The following CPLANE1 variants were observed in gnomAD, a reference collection of about 807,000 sequenced individuals.
CPLANE1 encodes ciliogenesis and planar polarity effector 1.
A neutral mutation model predicts 362.5 loss-of-function variants in CPLANE1; 263 were observed. The observed-to-expected ratio is 0.73, with a 90% CI of 0.66 to 0.80. The LOEUF (loss-of-function observed/expected upper bound fraction) is 0.80, where lower values mean the gene tolerates loss of function less well. Among genes scored for constraint, CPLANE1 ranks in the 30% least tolerant of loss-of-function variants. The pLI is 0.00. For synonymous variants in CPLANE1, 1,212 were observed against 1,302.6 expected, an observed-to-expected ratio of 0.93 and a Z score of 1.50; for missense variants, 3,461 against 3,793.4, an observed-to-expected ratio of 0.91 and a Z score of 2.30.
chr5:37,156,472 G>A (rs1021981121), intron 41 of CPLANE1, among the ~76,000 whole-genome samples: 2 of 151,990 alleles, frequency 1.3e-5, no homozygotes, highest in Non-Finnish European at 2.9e-5. Context: ...AGGCATGGTG[G>A]TGTGTGCTTG....
chr5:37,096,045 A>G, the CPLANE1 span, among the ~76,000 whole-genome samples: 1 of 152,236 alleles, frequency 6.6e-6, no homozygotes, highest in South Asian at 2.1e-4. Flanking sequence ...TCAAAATACC[A>G]CAATCATTCT....
rs1290864107 is a variant in CPLANE1, at chr5:37,224,610, G to A, written c.2422C>T (p.Leu808=). Residue 808 remains leucine, a synonymous_variant, in exon 13 of 53, where the codon CTG becomes TTG. Transcript: ENST00000651892. ...MTHEASTVKS[L]LCHLQANLQS... The stretch of plus-strand genomic sequence containing the variant: ...AGGTTAGCCTGCAAATGACATAACA[G>A]GGACTTGACAGTAGATGCTTCATGT... 7 of 1,551,278 alleles carry A rather than the reference G, an allele frequency of 4.5e-6. No individual in the cohort carries two copies. Among genetic ancestry groups the A allele is most frequent in the Non-Finnish European group, 6.1e-6 (7 of 1,146,786 alleles).
intron 8 of CPLANE1, among the ~76,000 whole-genome samples, chr5:37,235,725 A>G (rs946989662): frequency 6.6e-6 from 1 of 151,858 alleles, no homozygotes; most frequent in Non-Finnish European, 1.5e-5. Context: ...GGGGCACACC[A>G]TCACACCAGC....
intron 6 of CPLANE1, among the ~76,000 whole-genome samples, chr5:37,240,978 A>G (rs1800278454): frequency 6.6e-6 from 1 of 151,980 alleles, no homozygotes; most frequent in Admixed American, 6.6e-5. Context: ...TCTACTAAAA[A>G]TACAAAAATT....
chr5:37,123,824 C>A (rs957246931), intron 47 of CPLANE1, among the ~76,000 whole-genome samples: 2 of 152,114 alleles, frequency 1.3e-5, no homozygotes, highest in Admixed American at 1.3e-4. Flanking sequence ...CTATTCCTAG[C>A]CAATTTATTC....
At chr5:37,108,775 G>A (rs1758282946) in intron 51 of CPLANE1, among the ~76,000 whole-genome samples, 1 of 152,216 alleles carries the variant, frequency 6.6e-6, no homozygotes, top group African/African-American at 2.4e-5. Flanking sequence ...TGACACCAAA[G>A]TTGGGTGAAC....
In CPLANE1 at chr5:37,172,979, G is replaced by A. The variant is rs541432758; in HGVS notation, c.6171+776C>T. Among the ~76,000 whole-genome samples, 23 of 152,034 alleles carry A rather than the reference G, an allele frequency of 1.5e-4. No individual in the cohort carries two copies. In the South Asian group the frequency reaches 1.7e-3, roughly 11 times the overall value. On this transcript the variant is annotated intron_variant, in intron 32 of 52. Coordinates refer to ENST00000651892, the MANE Select transcript of CPLANE1 (RefSeq NM_001384732.1). ...AGCCTGGGCAACAGAGTGAGACTCC[G>A]TCTCAAAAAATAAAAATATAAAAAA...
chr5:37,214,857 G>T (rs985239431), intron 15 of CPLANE1, among the ~76,000 whole-genome samples: 1 of 152,110 alleles, frequency 6.6e-6, no homozygotes, highest in Non-Finnish European at 1.5e-5. Context: ...CAGAGATCCT[G>T]GAAGTGTTCT....
rs374442251 is a variant in CPLANE1 at position 37,206,169 on chromosome 5, T to C, written c.3149+28A>G. 4.7e-5 allele frequency: 64 copies of C among 1,350,500 alleles called. No individual in the cohort carries two copies. The East Asian group carries it at 1.0e-3, about 22-fold the overall frequency. The allele number at this position is 1,350,500 out of a possible 1,614,324, so 83.7% of individuals were successfully genotyped here. The stretch of plus-strand genomic sequence containing the variant: ...TAAAATACATAGTTCAATCATACTA[T>C]ATCTTAAAATTGCCTAAAAATCCAT... On this transcript the variant is annotated intron_variant, in intron 17 of 52. Transcript: ENST00000651892.
At chr5:37,158,395 A>C in intron 38 of CPLANE1, 50 bp from the exon 39 acceptor site, 1 of 1,541,758 alleles carries the variant, frequency 6.5e-7, no homozygotes, top group Non-Finnish European at 8.8e-7. Flanking sequence ...AAGGCTGTAA[A>C]CTGCTCCAAA....
At position 37,109,564 on chromosome 5, in the gene CPLANE1, A is replaced by G. The variant is rs546131653; in HGVS notation, c.9401-1093T>C. On this transcript the variant is annotated intron_variant, in intron 51 of 52. Transcript: ENST00000651892. The stretch of plus-strand genomic sequence containing the variant: ...CTTAAAATCCTTGCTTGGATGTGCA[A>G]TAAACATCTGAACTTTAACATGTCC... Among the ~76,000 whole-genome samples the G allele has an allele frequency of 5.3e-5, 8 of 152,354 alleles. No individual in the cohort carries two copies. In the East Asian group the frequency reaches 1.4e-3, roughly 26 times the overall value.
chr5:37,132,868 T>A (rs1194976478), intron 46 of CPLANE1, among the ~76,000 whole-genome samples: 2 of 152,218 alleles, frequency 1.3e-5, no homozygotes, highest in Non-Finnish European at 2.9e-5. Context: ...TCCAGAATGG[T>A]ATTTCCTAAG....
chr5:37,151,758 C>G (rs1773620548), intron 42 of CPLANE1, among the ~76,000 whole-genome samples: 1 of 151,938 alleles, frequency 6.6e-6, no homozygotes, highest in African/African-American at 2.4e-5. Context: ...TTTAAAAAAA[C>G]AGAAAGCAGG....
intron 47 of CPLANE1, among the ~76,000 whole-genome samples, chr5:37,122,868 A>T (rs1460303689): frequency 1.3e-5 from 2 of 152,174 alleles, no homozygotes; most frequent in African/African-American, 2.4e-5. Context: ...GCAACAGAGC[A>T]AGGCTCCGTT....
At chr5:37,217,967 G>A (rs976466092) in intron 15 of CPLANE1, among the ~76,000 whole-genome samples, 7 of 151,762 alleles carry the variant, frequency 4.6e-5, no homozygotes, top group African/African-American at 9.7e-5. Context: ...TGACAAGAGC[G>A]AGACTCCATC....
chr5:37,218,346 C>T (rs1794611264), intron 15 of CPLANE1, among the ~76,000 whole-genome samples: 2 of 152,112 alleles, frequency 1.3e-5, no homozygotes, highest in Admixed American at 1.3e-4. Flanking sequence ...AATGAACTTC[C>T]CTGGTAGACT....
intron 31 of CPLANE1, 131 bp from the exon 32 acceptor site, chr5:37,174,078 AATT>A: frequency 1.3e-6 from 1 of 784,724 alleles, no homozygotes; most frequent in Non-Finnish European, 2.0e-6. Flanking sequence ...GTTTTCTAGA[AATT>A]TAAACCCTAA....
At chr5:37,207,522 A>G (rs538480604) in intron 16 of CPLANE1, among the ~76,000 whole-genome samples, 1 of 152,350 alleles carries the variant, frequency 6.6e-6, no homozygotes, top group East Asian at 1.9e-4. Flanking sequence ...AAAGTTCACG[A>G]CCTTTTAAAA....
At chr5:37,085,419 T>C in the CPLANE1 span, 1 of 1,045,120 alleles carries the variant, frequency 9.6e-7, no homozygotes, top group East Asian at 2.4e-5. Flanking sequence ...TAAGTACAAA[T>C]TGGGTAAAGT....
Sources: gnomAD v4.1 joint callset for allele counts (sites outside exome capture counted in the v4.1 genomes callset) on GRCh38, gnomAD v4.1.1 for gene constraint, MANE v1.5 for transcripts, NCBI Gene and HGNC (gene_info 2026-07-23, HGNC 2026-07-21) for gene names.